UTY: variants seen among roughly 807,000 people sequenced by gnomAD.
The protein encoded by UTY is histone demethylase UTY.
In UTY, 12 loss-of-function variants were observed where a neutral mutation model predicts 32.5. That is an observed-to-expected ratio of 0.37 (90% CI 0.24 to 0.60). The LOEUF is 0.60. UTY is among the 20% of genes least tolerant of loss of function. UTY has a pLI of 0.69. For synonymous variants in UTY, 131 were observed against 103.4 expected (o/e 1.27, Z -1.62); for missense variants, 303 against 299.2 (o/e 1.01, Z -0.09).
chrY:13,237,960 C>A, intron 28 of UTY, among the ~76,000 whole-genome samples: 1 of 33,772 alleles, frequency 3.0e-5, no homozygotes, highest in Non-Finnish European at 7.4e-5. Context: ...TGAGCACTAC[C>A]AGAGCTGAGG....
At chrY:13,356,659 T>C (rs2062950498) in intron 15 of UTY, among the ~76,000 whole-genome samples, 1 of 28,202 alleles carries the variant, frequency 3.5e-5, no homozygotes, top group East Asian at 1.0e-3. Context: ...TAGATGGGTG[T>C]AGTTGAGCAT....
intron 27 of UTY, among the ~76,000 whole-genome samples, chrY:13,294,125 G>A (rs2057900027): frequency 3.0e-5 from 1 of 33,320 alleles, no homozygotes; most frequent in African/African-American, 1.2e-4. Flanking sequence ...AAATTCACAT[G>A]AAATCACAAA....
At chrY:13,478,955 C>G (rs992077083) in intron 2 of UTY, 3 of 71,617 alleles carry the variant, frequency 4.2e-5, no homozygotes, top group Admixed American at 4.1e-4. Flanking sequence ...AAACTGTACA[C>G]ATTCACTATT....
chrY:13,305,714 C>T, intron 23 of UTY, 167 bp from the exon 24 acceptor site: 1 of 174,878 alleles, frequency 5.7e-6, no homozygotes, highest in Non-Finnish European at 7.0e-6. Context: ...AAGACAAACA[C>T]AGATTACTGA....
intron 24 of UTY, among the ~76,000 whole-genome samples, chrY:13,304,953 A>G: frequency 3.2e-5 from 1 of 31,721 alleles, no homozygotes; most frequent in East Asian, 7.9e-4. Context: ...GACGCATGAA[A>G]AAAAAAAAAG....
intron 7 of UTY, 36 bp from the exon 8 acceptor site, chrY:13,393,929 C>T: frequency 6.1e-6 from 2 of 329,879 alleles, no homozygotes; most frequent in South Asian, 4.6e-5. Flanking sequence ...AGTTACAATA[C>T]AGTCTAATGT....
At chrY:13,358,290 T>C in intron 14 of UTY, 174 bp downstream of exon 14, 2 of 224,077 alleles carry the variant, frequency 8.9e-6, no homozygotes, top group Non-Finnish European at 1.1e-5. Flanking sequence ...AATGACGTGA[T>C]GAACACAAAC....
chrY:13,329,053 C>T (rs1603409550), intron 18 of UTY, among the ~76,000 whole-genome samples: 1 of 33,291 alleles, frequency 3.0e-5, no homozygotes, highest in African/African-American at 1.2e-4. Context: ...TCATCTTAGA[C>T]GCTGATCAGT....
chrY:13,446,112 G>A (rs2075728443), intron 4 of UTY, among the ~76,000 whole-genome samples: 1 of 32,471 alleles, frequency 3.1e-5, no homozygotes, highest in South Asian at 6.9e-4. Context: ...TTGTAAGTGG[G>A]AGCTAAACAT....
At position 13,355,079 on chromosome Y, in the gene UTY, G is replaced by C; in HGVS notation, c.1985C>G (p.Thr662Ser). ...CAGGTCTGTATGATTATGAGGTAGAGTGTGTGTATTTTGCTGCAGGTAAGG... is the reference window on the plus strand; with the variant it reads ...CAGGTCTGTATGATTATGAGGTAGACTGTGTGTATTTTGCTGCAGGTAAGG... ...NVPYLQQNTHTLPHNHTDLNS... is the reference protein window; with the variant it reads ...NVPYLQQNTHSLPHNHTDLNS... Residue 662 changes from threonine (T) to serine (S), a missense_variant, in exon 17 of 30, where the codon ACT becomes AGT. By Grantham distance (58) the Thr-to-Ser change is moderately conservative (BLOSUM62 1). Transcript: ENST00000545955. The C allele has an allele frequency of 2.5e-6, 1 of 398,728 alleles. No individual in the cohort carries two copies. The highest frequency in any genetic ancestry group is 5.9e-4 in the Middle Eastern group (1 of 1,704).
At chrY:13,327,129 G>A in intron 18 of UTY, among the ~76,000 whole-genome samples, 1 of 33,170 alleles carries the variant, frequency 3.0e-5, no homozygotes, top group African/African-American at 1.2e-4. Flanking sequence ...AACAAATTCA[G>A]AAAATTGGCA....
At chrY:13,372,177 A>G (rs994549890) in intron 8 of UTY, among the ~76,000 whole-genome samples, 5 of 33,628 alleles carry the variant, frequency 1.5e-4, no homozygotes, top group African/African-American at 2.3e-4. Context: ...AAACAGCCAA[A>G]TAACTGTTGA....
chrY:13,427,237 T>C (rs745412870), intron 4 of UTY, among the ~76,000 whole-genome samples: 29 of 33,753 alleles, frequency 8.6e-4, no homozygotes, highest in Admixed American at 7.7e-3. Flanking sequence ...AACATTCTAC[T>C]AGAGAAAAAT....
At chrY:13,403,456 G>A (rs2069388732) in intron 6 of UTY, among the ~76,000 whole-genome samples, 1 of 31,714 alleles carries the variant, frequency 3.2e-5, no homozygotes, top group Non-Finnish European at 7.7e-5. Flanking sequence ...ACCATGCCCA[G>A]CTAATTTTTG....
At chrY:13,454,868 C>A (rs767461612) in intron 3 of UTY, among the ~76,000 whole-genome samples, 1 of 26,145 alleles carries the variant, frequency 3.8e-5, no homozygotes, top group East Asian at 9.6e-4. Context: ...ACCCAAGTGG[C>A]CGAGGTTGCA....
intron 27 of UTY, among the ~76,000 whole-genome samples, chrY:13,265,628 G>A: frequency 6.0e-5 from 2 of 33,584 alleles, no homozygotes; most frequent in Non-Finnish European, 1.5e-4. Context: ...AGCTTTGGGA[G>A]ATTTGGGGCT....
intron 9 of UTY, among the ~76,000 whole-genome samples, chrY:13,368,693 G>A: frequency 6.1e-5 from 2 of 32,598 alleles, no homozygotes; most frequent in South Asian, 1.4e-3. Flanking sequence ...ATGGTGAGAA[G>A]GAGTGTGCTT....
At chrY:13,363,830 A>G (rs2063784423) in intron 10 of UTY, among the ~76,000 whole-genome samples, 1 of 33,593 alleles carries the variant, frequency 3.0e-5, no homozygotes, top group Non-Finnish European at 7.4e-5. Flanking sequence ...TTTAGTAACA[A>G]AACTATTGCA....
chrY:13,382,991 T>TATG (rs2066299904), intron 8 of UTY, among the ~76,000 whole-genome samples: 2 of 33,607 alleles, frequency 6.0e-5, no homozygotes, highest in East Asian at 1.5e-3. Flanking sequence ...CAACACTGAA[T>TATG]GCATATATCA....
Sources: allele counts gnomAD v4.1 joint callset (sites outside exome capture counted in the v4.1 genomes callset), GRCh38; gene constraint gnomAD v4.1.1; transcripts MANE v1.5; gene names NCBI Gene and HGNC (gene_info 2026-07-23, HGNC 2026-07-21).